RBFOX1: variants seen among roughly 807,000 people sequenced by gnomAD.
RBFOX1 encodes the protein RNA binding fox-1 homolog 1.
RBFOX1 carries 8 observed loss-of-function variants against 57.7 expected under a neutral mutation model. That is an observed-to-expected ratio of 0.14 (90% CI 0.08 to 0.25). The LOEUF is 0.25. Ranked by LOEUF, RBFOX1 falls within the 10% of genes least tolerant of loss-of-function variation. RBFOX1 has a pLI of 1.00. For synonymous variants in RBFOX1, 326 were observed against 222.4 expected (o/e 1.47, Z -4.15); for missense variants, 611 against 548.5 (o/e 1.11, Z -1.14).
chr16:7,334,886 C>A (rs1286745599), intron 4 of RBFOX1, among the ~76,000 whole-genome samples: 1 of 152,134 alleles, frequency 6.6e-6, no homozygotes, highest in Non-Finnish European at 1.5e-5. Flanking sequence ...TGTGTTTTTC[C>A]AAGCGACACC....
chr16:7,483,113 G>A (rs1196214059), intron 4 of RBFOX1, among the ~76,000 whole-genome samples: 1 of 152,140 alleles, frequency 6.6e-6, no homozygotes, highest in African/African-American at 2.4e-5. Context: ...CAAGTTAGAA[G>A]AACTGTTTCT....
intron 4 of RBFOX1, among the ~76,000 whole-genome samples, chr16:7,386,466 A>G (rs2097884295): frequency 6.6e-6 from 1 of 151,612 alleles, no homozygotes; most frequent in Admixed American, 6.6e-5. Context: ...ACTTATGAGA[A>G]CATGTGGCGT....
intron 11 of RBFOX1, among the ~76,000 whole-genome samples, chr16:7,632,893 CA>C (rs2061205717): frequency 6.6e-6 from 1 of 151,290 alleles, no homozygotes; most frequent in Admixed American, 6.6e-5. Flanking sequence ...CAGAAGTGAA[CA>C]AAACAATCAA....
intron 1 of RBFOX1, among the ~76,000 whole-genome samples, chr16:6,051,664 A>C (rs1351540255): frequency 6.6e-6 from 1 of 152,102 alleles, no homozygotes; most frequent in Non-Finnish European, 1.5e-5. Context: ...CTCAGGTTCA[A>C]GCAATGTTCC....
chr16:7,202,647 C>T lies in RBFOX1; in HGVS notation c.27+150549C>T, dbSNP rs2088876411. 2.6e-5 allele frequency among the ~76,000 whole-genome samples: 4 copies of T among 152,154 alleles called. No individual in the cohort carries two copies. The South Asian group carries it at 6.2e-4, about 24-fold the overall frequency. On this transcript the variant is annotated intron_variant, in intron 4 of 15. Transcript: ENST00000550418. The stretch of plus-strand genomic sequence containing the variant: ...TGCATCAGCACCTGAGCTCGACCTC[C>T]TGTCAGAGCAGCCACGGCATTAGGT...
At chr16:6,781,954 TCTTA>T (rs2081088755) in intron 3 of RBFOX1, among the ~76,000 whole-genome samples, 1 of 152,198 alleles carries the variant, frequency 6.6e-6, no homozygotes, top group Non-Finnish European at 1.5e-5. Flanking sequence ...TTTAGCCTGC[TCTTA>T]CTTTTCTAGT....
chr16:6,810,642 A>G (rs1244943004), intron 3 of RBFOX1, among the ~76,000 whole-genome samples: 5 of 152,136 alleles, frequency 3.3e-5, no homozygotes, highest in African/African-American at 1.2e-4. Context: ...TAAAGGAAAG[A>G]GGTTTAATTG....
At chr16:7,696,819 G>C (rs989158943) in intron 14 of RBFOX1, among the ~76,000 whole-genome samples, 2 of 152,114 alleles carry the variant, frequency 1.3e-5, no homozygotes, top group Admixed American at 6.6e-5. Flanking sequence ...CTGTCTGAGG[G>C]GGTAACATTT....
At chr16:5,705,888 C>T (rs1164598632) in intron 3 of RBFOX1, among the ~76,000 whole-genome samples, 1 of 152,192 alleles carries the variant, frequency 6.6e-6, no homozygotes, top group East Asian at 1.9e-4. Context: ...TTCTCAGACA[C>T]ATGAACTGAT....
rs540924962 is a variant in RBFOX1, at chr16:5,324,642, T to C, written c.219+84537T>C. On this transcript the variant is annotated intron_variant, in intron 1 of 2. Coordinates refer to the RBFOX1 transcript ENST00000585867. ...TTACGCAGCCATACAAAGAACGAAA[T>C]CATGTCCTTTGCAGGAACATAGATG... Among the ~76,000 whole-genome samples, 3 of 152,256 alleles carry C rather than the reference T, an allele frequency of 2.0e-5. No individual in the cohort carries two copies. In the East Asian group the frequency reaches 5.8e-4, roughly 29 times the overall value.
intron 3 of RBFOX1, among the ~76,000 whole-genome samples, chr16:6,788,232 A>G (rs2082292917): frequency 6.6e-6 from 1 of 152,044 alleles, no homozygotes; most frequent in Non-Finnish European, 1.5e-5. Flanking sequence ...AATAATAATA[A>G]TAATAAAATA....
intron 4 of RBFOX1, among the ~76,000 whole-genome samples, chr16:6,003,151 C>A (rs972548300): frequency 6.6e-6 from 1 of 151,872 alleles, no homozygotes; most frequent in Non-Finnish European, 1.5e-5. Context: ...TGGTGGCGGG[C>A]GGTTGTAGTC....
intron 1 of RBFOX1, among the ~76,000 whole-genome samples, chr16:6,229,136 A>G (rs561695096): frequency 2.5e-4 from 38 of 152,308 alleles, no homozygotes; most frequent in African/African-American, 8.9e-4. Context: ...TAGTTAAGAT[A>G]AATGACATCT....
intron 4 of RBFOX1, among the ~76,000 whole-genome samples, chr16:7,181,573 CTCTTTCTCGCTTGCTT>C (rs1027738048): frequency 3.3e-5 from 5 of 151,934 alleles, no homozygotes; most frequent in Admixed American, 1.3e-4. Flanking sequence ...CTCTCTTCCT[CTCTTTCTCGCTTGCTT>C]GCTTGCTCTG....
intron 3 of RBFOX1, among the ~76,000 whole-genome samples, chr16:5,812,458 C>CTTTTTTTT (rs35251301): frequency 7.4e-6 from 1 of 135,508 alleles, no homozygotes; most frequent in Non-Finnish European, 1.6e-5. Context: ...GTCTTTTTCT[C>CTTTTTTTT]TTTTTTTTTT....
At chr16:6,990,838 G>C (rs1432833268) in intron 3 of RBFOX1, among the ~76,000 whole-genome samples, 1 of 152,106 alleles carries the variant, frequency 6.6e-6, no homozygotes, top group Non-Finnish European at 1.5e-5. Flanking sequence ...GCTGATAACA[G>C]AAAACCATGC....
rs572152602 is a variant in RBFOX1 at position 5,652,017 on chromosome 16, CCAG to C, written c.318+53058_318+53060del. ...GGCTTGGTGACACATGCCTATAGTCCCAGCTACTTGGGAGGCTGAGGCACAGGA... is the reference window on the plus strand; with the variant it reads ...GGCTTGGTGACACATGCCTATAGTCCCTACTTGGGAGGCTGAGGCACAGGA... On this transcript the variant is annotated intron_variant, in intron 3 of 19. Coordinates refer to the RBFOX1 transcript ENST00000641259. 3.9e-5 allele frequency among the ~76,000 whole-genome samples: 6 copies of C among 152,168 alleles called. No individual in the cohort carries two copies. The South Asian group carries it at 1.2e-3, about 32-fold the overall frequency.
intron 4 of RBFOX1, among the ~76,000 whole-genome samples, chr16:5,983,452 G>T (rs1021657393): frequency 6.6e-5 from 10 of 152,276 alleles, no homozygotes; most frequent in Admixed American, 6.5e-4. Context: ...TAAGGGCTGG[G>T]GCCCTGGCAC....
intron 4 of RBFOX1, among the ~76,000 whole-genome samples, chr16:5,901,235 C>T (rs2058298515): frequency 6.6e-6 from 1 of 152,246 alleles, no homozygotes; most frequent in South Asian, 2.1e-4. Flanking sequence ...TCTCCTCATC[C>T]CCCGTTCACG....
Sources: allele counts gnomAD v4.1 joint callset (sites outside exome capture counted in the v4.1 genomes callset), GRCh38; gene constraint gnomAD v4.1.1; transcripts MANE v1.5; gene names NCBI Gene and HGNC (gene_info 2026-07-23, HGNC 2026-07-21).